BRWD1: variants seen among roughly 807,000 people sequenced by gnomAD.
BRWD1 encodes bromodomain and WD repeat domain containing 1.
BRWD1 carries 82 observed loss-of-function variants against 251.2 expected under a neutral mutation model. The ratio of observed to expected loss-of-function variants is 0.33; its 90% CI spans 0.27 to 0.39. BRWD1 has a LOEUF of 0.39. Ranked by LOEUF, BRWD1 falls within the 10% of genes least tolerant of loss-of-function variation. BRWD1 has a pLI of 1.00. For synonymous variants in BRWD1, 918 were observed against 902.8 expected, an observed-to-expected ratio of 1.02 and a Z score of -0.30; for missense variants, 2,233 against 2,711.6, an observed-to-expected ratio of 0.82 and a Z score of 3.92.
chr21:39,229,504 C>T, intron 25 of BRWD1, 68 bp from the exon 26 acceptor site: 1 of 1,414,452 alleles, frequency 7.1e-7, no homozygotes, highest in African/African-American at 1.4e-5. Context: ...TCTCCACATA[C>T]TGTTATATTA....
chr21:39,289,835 T>G (rs1204089826), intron 8 of BRWD1, among the ~76,000 whole-genome samples: 1 of 151,888 alleles, frequency 6.6e-6, no homozygotes, highest in Non-Finnish European at 1.5e-5. Context: ...CCATCTTGGC[T>G]AACACGGTGA....
At position 39,245,826 on chromosome 21, in the gene BRWD1, C is replaced by T. The variant is rs2034169715; in HGVS notation, c.2481+1875G>A. 2.6e-5 allele frequency among the ~76,000 whole-genome samples: 4 copies of T among 152,206 alleles called. No homozygotes were observed. The South Asian group carries it at 8.3e-4, about 32-fold the overall frequency. On this transcript the variant is annotated intron_variant, in intron 21 of 40. Transcript: ENST00000342449. ...TGTTGGCCAAGCTGGTCTTGAAGTC[C>T]TGACCTCAGGAGTCATCTGCCCACC...
chr21:39,271,696 C>CAAAAAAA (rs34900726), intron 13 of BRWD1, among the ~76,000 whole-genome samples: 1 of 59,838 alleles, frequency 1.7e-5, no homozygotes, highest in African/African-American at 6.9e-5. Context: ...GACTCCGTCT[C>CAAAAAAA]AAAAAAAAAA....
intron 35 of BRWD1, 59 bp downstream of exon 35, chr21:39,210,727 C>T: frequency 3.9e-6 from 6 of 1,523,158 alleles, no homozygotes; most frequent in Non-Finnish European, 4.4e-6. Flanking sequence ...ATAACTCTAC[C>T]CCAGTTTCCT....
chr21:39,194,074 CA>C lies in BRWD1; in HGVS notation c.*2184del. The C allele has an allele frequency of 8.1e-6, 8 of 985,366 alleles. No individual in the cohort carries two copies. The highest frequency in any genetic ancestry group is 9.6e-6 in the Non-Finnish European group (8 of 829,692). The allele number at this position is 985,366 out of a possible 1,614,324, so 61.0% of individuals were successfully genotyped here. A position where few individuals can be genotyped will look rare whatever the true frequency, so the allele number is the denominator to read the frequency against. On this transcript the variant is annotated 3_prime_UTR_variant, in exon 41 of 41. Coordinates refer to ENST00000342449, the MANE Select transcript of BRWD1 (RefSeq NM_033656.4). The stretch of plus-strand genomic sequence containing the variant: ...CAAATCTGATTAAAAACCAAAATAC[CA>C]CTTCTGTATGCAAGGGTCTAACTAT...
At chr21:39,199,747 A>G in intron 39 of BRWD1, 85 bp from the exon 40 acceptor site, 1 of 1,305,054 alleles carries the variant, frequency 7.7e-7, no homozygotes, top group Non-Finnish European at 1.0e-6. Flanking sequence ...GATTTTCTTC[A>G]CTTTTTTGGG....
At chr21:39,231,734 G>C (rs1020794643) in intron 25 of BRWD1, among the ~76,000 whole-genome samples, 1 of 152,090 alleles carries the variant, frequency 6.6e-6, no homozygotes, top group African/African-American at 2.4e-5. Flanking sequence ...ATTCTTTCTT[G>C]AGCTAAAAAC....
Position 39,221,094 on chromosome 21 carries a change from G to A in BRWD1, c.3383-2434C>T, listed in dbSNP as rs2033156576. 2.7e-5 allele frequency among the ~76,000 whole-genome samples: 4 copies of A among 148,774 alleles called. No homozygotes were observed. The Admixed American group carries it at 2.7e-4, about 10-fold the overall frequency. On this transcript the variant is annotated intron_variant, in intron 29 of 40. Transcript: ENST00000342449. The stretch of plus-strand genomic sequence containing the variant: ...CACTTGAACCTGGGAGGTGGAGGTT[G>A]CAATGAGTGGAGATTGCGCCACTGC...
chr21:39,201,581 G>C (rs560073233), intron 38 of BRWD1, among the ~76,000 whole-genome samples: 1 of 152,262 alleles, frequency 6.6e-6, no homozygotes, highest in East Asian at 1.9e-4. Flanking sequence ...CTACTAGGCT[G>C]TAATGTGTCC....
intron 5 of BRWD1, chr21:39,297,330 A>G (rs1370338805): frequency 7.1e-6 from 7 of 985,362 alleles, no homozygotes; most frequent in Non-Finnish European, 7.2e-6. Flanking sequence ...ACCAAAGAGC[A>G]GTTACAAGGC....
chr21:39,187,672 A>G lies in BRWD1; in HGVS notation c.*8587T>C, dbSNP rs1277974015. The G allele has an allele frequency of 1.0e-6, 1 of 985,330 alleles. No individual in the cohort carries two copies. Among genetic ancestry groups the G allele is most frequent in the East Asian group, 1.1e-4 (1 of 8,834 alleles). The allele number at this position is 985,330 out of a possible 1,614,324, so 61.0% of individuals were successfully genotyped here. Reference sequence around the variant, plus strand: ...GAATGGGGTGAAAAGTTCCTTCAGCATCGGCATCATAAAGCTGCTAATCTA... The same window carrying G: ...GAATGGGGTGAAAAGTTCCTTCAGCGTCGGCATCATAAAGCTGCTAATCTA... On this transcript the variant is annotated 3_prime_UTR_variant, in exon 41 of 41. Transcript: ENST00000342449.
At chr21:39,306,265 T>C (rs1265811778) in intron 4 of BRWD1, among the ~76,000 whole-genome samples, 1 of 151,848 alleles carries the variant, frequency 6.6e-6, no homozygotes, top group Admixed American at 6.6e-5. Context: ...GAGATGAGGT[T>C]TCACCATGTT....
At position 39,293,932 on chromosome 21, in the gene BRWD1, T is replaced by C; in HGVS notation, c.710A>G (p.Asn237Ser). ...CGCAGCAATCATTGTATTCTCATAG[T>C]TTACTGCCATATCTGAAATTTCTGC... is the stretch of plus-strand genomic sequence containing the variant. ...HSAEISDMAV[N>S]YENTMIAAGS... The change falls in exon 8 of 41, where the codon AAC becomes AGC. Residue 237 changes from asparagine (N) to serine (S), a missense_variant. Asn to Ser is a conservative substitution (Grantham distance 46). Transcript: ENST00000342449. The C allele has an allele frequency of 1.2e-6, 2 of 1,614,154 alleles. No individual in the cohort carries two copies. Among genetic ancestry groups the C allele is most frequent in the East Asian group, 4.5e-5 (2 of 44,874 alleles).
intron 4 of BRWD1, 22 bp downstream of exon 4, chr21:39,312,819 A>G: frequency 6.3e-7 from 1 of 1,575,010 alleles, no homozygotes; most frequent in South Asian, 1.1e-5. Context: ...AAACCCGGGG[A>G]GCAAACGTGC....
intron 4 of BRWD1, among the ~76,000 whole-genome samples, chr21:39,311,852 A>T (rs2036494490): frequency 6.6e-6 from 1 of 152,190 alleles, no homozygotes. Flanking sequence ...TCTAATTCAA[A>T]ACCAGTAATC....
rs138222977 is a variant in BRWD1, at chr21:39,232,492, G to A, written c.2773C>T (p.Arg925Trp). 4.2e-5 allele frequency: 66 copies of A among 1,586,230 alleles called. No individual in the cohort carries two copies. The African/African-American group carries it at 4.4e-4, about 11-fold the overall frequency. ...GCAAGCTCTGCTGGAGTCATCCTCCGCAAATTCTACCAAGGGGAAGAGAAC... is the reference window on the plus strand; with the variant it reads ...GCAAGCTCTGCTGGAGTCATCCTCCACAAATTCTACCAAGGGGAAGAGAAC... The part of the protein sequence containing the change: ...KENKPKKENL[R>W]RMTPAELANM... The change falls in exon 24 of 41, where the codon CGG (arginine) becomes TGG (tryptophan). Residue 925 changes from arginine (R) to tryptophan (W), a missense_variant. Physicochemically the swap from Arg to Trp is moderately radical, Grantham distance 101. This residue lies in a region of BRWD1 where 214 missense variants were observed against 222.0 expected (regional missense o/e 0.96). Coordinates refer to ENST00000342449, the MANE Select transcript of BRWD1 (RefSeq NM_033656.4).
chr21:39,204,494 G>A (rs149514760), intron 37 of BRWD1, among the ~76,000 whole-genome samples: 2 of 152,232 alleles, frequency 1.3e-5, no homozygotes, highest in African/African-American at 4.8e-5. Flanking sequence ...TACAATTACT[G>A]AGAAAGTTAA....
rs991444401 is a variant in BRWD1 at position 39,297,482 on chromosome 21, G to C, written c.349+950C>G. 4 of 823,172 alleles carry C rather than the reference G, an allele frequency of 4.9e-6. No homozygotes were observed. In the African/African-American group the frequency reaches 7.4e-5, roughly 15 times the overall value. The allele number at this position is 823,172 out of a possible 1,614,324, so 51.0% of individuals were successfully genotyped here. A position where few individuals can be genotyped will look rare whatever the true frequency, so the allele number is the denominator to read the frequency against. On this transcript the variant is annotated intron_variant, in intron 5 of 40. Transcript: ENST00000342449. ...CGACATGGAGCTTGACACAAGTAAA[G>C]AAAACAAAGGAAAACAGGCTACCAA...
Position 39,250,833 on chromosome 21 carries a change from A to G in BRWD1, c.2312T>C (p.Ile771Thr), listed in dbSNP as rs2034369922. 4 of 1,599,958 alleles carry G rather than the reference A, an allele frequency of 2.5e-6. No individual in the cohort carries two copies. The highest frequency in any genetic ancestry group is 1.9e-4 in the Middle Eastern group (1 of 5,234). ...KGEEERNLYIIGRKRKTLQLS... is the reference protein window; with the variant it reads ...KGEEERNLYITGRKRKTLQLS... ...CTGAAGAGTCTTTCTTTTTCTTCCTATTATATAAAGATTTCTTTCCTCTTC... is the reference window on the plus strand; with the variant it reads ...CTGAAGAGTCTTTCTTTTTCTTCCTGTTATATAAAGATTTCTTTCCTCTTC... The change falls in exon 20 of 41, where the codon ATA becomes ACA. Residue 771 changes from isoleucine to threonine, a missense_variant. Ile to Thr is a moderately conservative substitution (Grantham distance 89, BLOSUM62 -1). Coordinates refer to ENST00000342449, the MANE Select transcript of BRWD1 (RefSeq NM_033656.4).
Sources: allele counts gnomAD v4.1 joint callset (sites outside exome capture counted in the v4.1 genomes callset), GRCh38; gene constraint gnomAD v4.1.1; regional missense constraint gnomAD v4.1.1; transcripts MANE v1.5; gene names NCBI Gene and HGNC (gene_info 2026-07-23, HGNC 2026-07-21).